The following ARHGAP22 variants were observed in gnomAD, a reference collection of about 807,000 sequenced individuals.
ARHGAP22 encodes Rho GTPase activating protein 22.
In ARHGAP22, 48 loss-of-function variants were observed where a neutral mutation model predicts 59.1. The ratio of observed to expected loss-of-function variants is 0.81; its 90% confidence interval spans 0.64 to 1.03. The LOEUF (loss-of-function observed/expected upper bound fraction) is 1.03. ARHGAP22 is among the 50% of genes least tolerant of loss of function. The pLI is 0.00. For missense variants in ARHGAP22, 1,015 were observed against 958.7 expected, an observed-to-expected ratio of 1.06 and a Z score of -0.78; for synonymous variants, 445 against 416.4, an observed-to-expected ratio of 1.07 and a Z score of -0.84.
At chr10:48,654,438 T>A (rs2062678337), upstream of ARHGAP22, among the ~76,000 whole-genome samples, 1 of 152,198 alleles carries the variant, frequency 6.6e-6, no homozygotes, top group Admixed American at 6.5e-5. Flanking sequence ...CACTCACCCA[T>A]CCCTGAACCA....
Position 48,510,079 on chromosome 10 carries a change from C to A in ARHGAP22, c.323-30315G>T, listed in dbSNP as rs539838568. Among the ~76,000 whole-genome samples the A allele has an allele frequency of 6.6e-5, 10 of 152,288 alleles. No individual in the cohort carries two copies. The East Asian group carries it at 1.5e-3, about 23-fold the overall frequency. ...GGGGCAAGTTTTTTACCTCTTGGAG[C>A]CTTGATATTTTCATCTCTTTAAAAC... is the stretch of plus-strand genomic sequence containing the variant. On this transcript the variant is annotated intron_variant, in intron 3 of 9. Transcript: ENST00000249601.
chr10:48,481,336 G>C (rs530814338), intron 3 of ARHGAP22, among the ~76,000 whole-genome samples: 30 of 152,202 alleles, frequency 2.0e-4, no homozygotes, highest in Non-Finnish European at 4.0e-4. Context: ...GCGAGATAGG[G>C]AGAGGAAGCC....
chr10:48,578,781 T>C (rs1025297755), intron 2 of ARHGAP22, among the ~76,000 whole-genome samples: 3 of 152,182 alleles, frequency 2.0e-5, no homozygotes, highest in Admixed American at 6.5e-5. Flanking sequence ...GCTGCTGTCT[T>C]TTCTCAGTAG....
At chr10:48,477,218 A>G (rs887698642) in intron 4 of ARHGAP22, among the ~76,000 whole-genome samples, 1 of 152,170 alleles carries the variant, frequency 6.6e-6, no homozygotes, top group Non-Finnish European at 1.5e-5. Context: ...TCTATCTATA[A>G]ATAACAAGTT....
intron 4 of ARHGAP22, among the ~76,000 whole-genome samples, chr10:48,473,488 C>G (rs570911018): frequency 1.3e-5 from 2 of 152,280 alleles, no homozygotes; most frequent in Admixed American, 6.5e-5. Context: ...CTGCATGTGA[C>G]AGGTCTCAAT....
intron 2 of ARHGAP22, among the ~76,000 whole-genome samples, chr10:48,579,568 G>T (rs1210629385): frequency 6.6e-6 from 1 of 152,196 alleles, no homozygotes; most frequent in Non-Finnish European, 1.5e-5. Context: ...GAACTGTCTT[G>T]TATCTATGCT....
At chr10:48,548,685 T>A (rs1049454798) in intron 3 of ARHGAP22, among the ~76,000 whole-genome samples, 6 of 152,176 alleles carry the variant, frequency 3.9e-5, no homozygotes, top group African/African-American at 1.4e-4. Context: ...GATGCCCACA[T>A]CAGCAAAAAG....
rs181260337 is a variant in ARHGAP22 at position 48,537,544 on chromosome 10, T to C, written c.322+17919A>G. On this transcript the variant is annotated intron_variant, in intron 3 of 9. Transcript: ENST00000249601. ...CTTGACGGGAGGTTCTCATGTTTAT[T>C]GAGCATCTGCTGTGTGCCAGGCACT... Among the ~76,000 whole-genome samples the C allele has an allele frequency of 1.5e-3, 221 of 152,348 alleles. 1 individual carries two copies. The highest frequency in any genetic ancestry group is 5.2e-3 in the African/African-American group (215 of 41,574).
At chr10:48,447,548 T>C (rs1472391452) in intron 9 of ARHGAP22, among the ~76,000 whole-genome samples, 1 of 152,154 alleles carries the variant, frequency 6.6e-6, no homozygotes, top group Non-Finnish European at 1.5e-5. Context: ...TCCTCATCAC[T>C]GAGCTTGAAG....
chr10:48,564,485 G>T (rs1322149973), intron 2 of ARHGAP22, among the ~76,000 whole-genome samples: 1 of 152,234 alleles, frequency 6.6e-6, no homozygotes, highest in Non-Finnish European at 1.5e-5. Flanking sequence ...CTCTGGGAGG[G>T]AGTGGTGGGA....
At chr10:48,606,336 G>T (rs540023437), upstream of ARHGAP22, among the ~76,000 whole-genome samples, 78 of 152,264 alleles carry the variant, frequency 5.1e-4, 1 homozygote, top group South Asian at 4.2e-4. Flanking sequence ...GGGGAGGACT[G>T]CAGAGTAAGA....
chr10:48,563,220 T>G (rs1386132409), intron 2 of ARHGAP22, among the ~76,000 whole-genome samples: 5 of 108,568 alleles, frequency 4.6e-5, no homozygotes, highest in Non-Finnish European at 9.2e-5. Context: ...TTGAGACGTA[T>G]TCTTGCTCTG....
the ARHGAP22 span, among the ~76,000 whole-genome samples, chr10:48,433,304 A>G: frequency 6.6e-6 from 1 of 152,220 alleles, no homozygotes; most frequent in Non-Finnish European, 1.5e-5. Flanking sequence ...TAGACCCTGA[A>G]CTAGAGGCAT....
chr10:48,652,123 C>G, intron 1 of ARHGAP22: 1 of 1,026,180 alleles, frequency 9.7e-7, no homozygotes, highest in Non-Finnish European at 1.5e-6. Flanking sequence ...CAGATGCCGC[C>G]TGGTGCTCTC....
chr10:48,431,085 CTGTT>C, the ARHGAP22 span: 1 of 697,410 alleles, frequency 1.4e-6, no homozygotes, highest in African/African-American at 1.8e-5. Flanking sequence ...TGTAAGGACA[CTGTT>C]TGAAGTACTT....
At chr10:48,502,250 A>AT (rs2051599804) in intron 3 of ARHGAP22, among the ~76,000 whole-genome samples, 1 of 152,070 alleles carries the variant, frequency 6.6e-6, no homozygotes, top group Non-Finnish European at 1.5e-5. Context: ...CTTTTAGGGG[A>AT]TCAGTGTGTG....
Position 48,583,113 on chromosome 10 carries a change from C to A in ARHGAP22, c.74G>T (p.Ser25Ile). ...GTGAGGGCACGGCATCCGCCCAGGG[C>A]TCCGGCTCTGCTCCCCCATCACTAG... ...KSLVMGEQSR[S>I]PGRMPCPHRL... The change falls in exon 2 of 10, where the codon AGC becomes ATC. Residue 25 changes from serine (S) to isoleucine (I), a missense_variant. Transcript: ENST00000249601. 6.2e-7 allele frequency: 1 copy of A among 1,614,254 alleles called. No homozygotes were observed.
chr10:48,434,876 T>C, the ARHGAP22 span: 4 of 1,602,426 alleles, frequency 2.5e-6, no homozygotes, highest in African/African-American at 5.4e-5. Context: ...TTGTTTCTCA[T>C]AGCACAGGTG....
chr10:48,515,717 T>G (rs1369612320), intron 3 of ARHGAP22, among the ~76,000 whole-genome samples: 1 of 152,158 alleles, frequency 6.6e-6, no homozygotes, highest in East Asian at 1.9e-4. Flanking sequence ...AAAACAAAGT[T>G]TGAAAGTATA....
Sources: allele counts gnomAD v4.1 joint callset (sites outside exome capture counted in the v4.1 genomes callset), GRCh38; gene constraint gnomAD v4.1.1; transcripts MANE v1.5; gene names NCBI Gene and HGNC (gene_info 2026-07-23, HGNC 2026-07-21).